PAQR5: variants seen among roughly 807,000 people sequenced by gnomAD.
PAQR5 encodes the protein membrane progestin receptor gamma.
A neutral mutation model predicts 34.5 loss-of-function variants in PAQR5; 20 were observed. That is an observed-to-expected ratio of 0.58 (90% CI 0.41 to 0.84). The LOEUF (loss-of-function observed/expected upper bound fraction) is 0.84. Ranked by LOEUF, PAQR5 falls within the 40% of genes least tolerant of loss-of-function variation. The probability of loss-of-function intolerance (pLI) is 0.00; values close to 1 mark genes in which losing one functional copy is unlikely to be tolerated. For missense variants in PAQR5, 378 were observed against 412.7 expected (o/e 0.92, Z 0.73); for synonymous variants, 131 against 155.6 (o/e 0.84, Z 1.18).
At chr15:69,336,141 T>C (rs573447344) in intron 1 of PAQR5, among the ~76,000 whole-genome samples, 11 of 152,338 alleles carry the variant, frequency 7.2e-5, no homozygotes, top group Admixed American at 6.5e-4. Context: ...GCTTTCTTTT[T>C]TAAAAAAATT....
intron 2 of PAQR5, among the ~76,000 whole-genome samples, chr15:69,359,000 C>T (rs937073637): frequency 3.3e-5 from 5 of 152,220 alleles, no homozygotes; most frequent in African/African-American, 9.6e-5. Flanking sequence ...TTATAAACAA[C>T]AGAAATTTAT....
At chr15:69,382,078 G>A (rs561012189) in intron 4 of PAQR5, among the ~76,000 whole-genome samples, 11 of 152,314 alleles carry the variant, frequency 7.2e-5, no homozygotes, top group Middle Eastern at 3.4e-3. Context: ...TAGCTATTCC[G>A]AAAAGTGATT....
chr15:69,334,011 CT>C (rs2054451724), intron 1 of PAQR5, among the ~76,000 whole-genome samples: 1 of 152,068 alleles, frequency 6.6e-6, no homozygotes, highest in East Asian at 1.9e-4. Flanking sequence ...CTTTAGTAGT[CT>C]TTTGGAAATA....
At chr15:69,341,508 C>A (rs918370121) in intron 2 of PAQR5, among the ~76,000 whole-genome samples, 1 of 151,956 alleles carries the variant, frequency 6.6e-6, no homozygotes, top group Non-Finnish European at 1.5e-5. Flanking sequence ...AGGCATGAAC[C>A]ATCACATTGG....
intron 6 of PAQR5, chr15:69,391,586 AT>A: frequency 2.2e-6 from 1 of 451,526 alleles, no homozygotes; most frequent in Non-Finnish European, 4.4e-6. Flanking sequence ...TGGACTGGCC[AT>A]GGTCCAGGAA....
intron 1 of PAQR5, among the ~76,000 whole-genome samples, chr15:69,324,141 A>AAAAG (rs1239556991): frequency 6.9e-6 from 1 of 144,860 alleles, no homozygotes; most frequent in Non-Finnish European, 1.5e-5. Context: ...AAAAAAAAAA[A>AAAAG]AAAGAAAAAA....
At position 69,300,965 on chromosome 15, in the gene PAQR5, T is replaced by TTCTTTCTTTCTTTCTTTCTTTCTC. The variant is rs2140502667; in HGVS notation, c.-277+1932_-277+1933insCTCTTTCTTTCTTTCTTTCTTTCT. On this transcript the variant is annotated intron_variant, in intron 1 of 8. Transcript: ENST00000395407. ...TTTCTTTCCTTCTTTCTTTCTTTCT[T>TTCTTTCTTTCTTTCTTTCTTTCTC]TCTTTCTTTCTTTCTTTCTTTCTTT... Among the ~76,000 whole-genome samples, 13 of 65,206 alleles carry TTCTTTCTTTCTTTCTTTCTTTCTC rather than the reference T, an allele frequency of 2.0e-4. 2 individuals carry two copies. Among genetic ancestry groups the TTCTTTCTTTCTTTCTTTCTTTCTC allele is most frequent in the Admixed American group, 6.7e-4 (3 of 4,504 alleles). The allele number at this position is 65,206 out of a possible 152,430, so 42.8% of individuals were successfully genotyped here.
intron 1 of PAQR5, among the ~76,000 whole-genome samples, chr15:69,332,976 T>C (rs374752879): frequency 1.1e-4 from 16 of 152,190 alleles, no homozygotes; most frequent in African/African-American, 3.6e-4. Flanking sequence ...AGGATATTTT[T>C]TAAAGAGCGC....
intron 3 of PAQR5, among the ~76,000 whole-genome samples, chr15:69,362,810 A>G (rs1187280697): frequency 1.3e-5 from 2 of 152,146 alleles, no homozygotes; most frequent in African/African-American, 2.4e-5. Context: ...GGCCCTGTCC[A>G]TAGACTCGAA....
chr15:69,325,270 G>T lies in PAQR5; in HGVS notation c.-276-12071G>T, dbSNP rs554602635. 3.0e-4 allele frequency among the ~76,000 whole-genome samples: 46 copies of T among 152,174 alleles called. No individual in the cohort carries two copies. The South Asian group carries it at 4.6e-3, about 15-fold the overall frequency. ...TGCCCTCCTCTGTGTTCCCCTAGAG[G>T]CATAACCACTATTTTTTAAGCACTG... On this transcript the variant is annotated intron_variant, in intron 1 of 8. Transcript: ENST00000395407.
chr15:69,352,408 A>G (rs531899314), intron 2 of PAQR5, among the ~76,000 whole-genome samples: 2 of 152,364 alleles, frequency 1.3e-5, no homozygotes, highest in African/African-American at 2.4e-5. Flanking sequence ...GAAGTGGTTT[A>G]TACGTGATCA....
rs1436266448 is a variant in PAQR5, at chr15:69,319,229, T to TCTCCCA, written c.-276-18108_-276-18103dup. Among the ~76,000 whole-genome samples, 19 of 147,130 alleles carry TCTCCCA rather than the reference T, an allele frequency of 1.3e-4. 2 individuals are homozygous for TCTCCCA. The South Asian group carries it at 2.6e-3, about 20-fold the overall frequency. On this transcript the variant is annotated intron_variant, in intron 1 of 8. Coordinates refer to ENST00000395407, the MANE Select transcript of PAQR5 (RefSeq NM_017705.4). ...TATATATATGAATGTGGTCTCTCCC[T>TCTCCCA]CTCCCACTCTCTCAAAATATCCTGT...
At chr15:69,328,253 G>C (rs1436640886) in intron 1 of PAQR5, among the ~76,000 whole-genome samples, 1 of 152,228 alleles carries the variant, frequency 6.6e-6, no homozygotes, top group African/African-American at 2.4e-5. Flanking sequence ...ATGCAAAGAA[G>C]CTTATGTACA....
chr15:69,402,288 C>T (rs1446284411), intron 8 of PAQR5, among the ~76,000 whole-genome samples: 1 of 151,908 alleles, frequency 6.6e-6, no homozygotes, highest in African/African-American at 2.4e-5. Flanking sequence ...TTCTTGTATA[C>T]GTGCATGTCT....
intron 1 of PAQR5, among the ~76,000 whole-genome samples, chr15:69,300,638 TTTC>T (rs1566985383): frequency 2.7e-4 from 10 of 37,636 alleles, no homozygotes; most frequent in Non-Finnish European, 4.8e-4. Context: ...TCTTTCTTTC[TTTC>T]TTTCTTTCTT....
At chr15:69,388,503 C>A (rs922958282) in intron 5 of PAQR5, among the ~76,000 whole-genome samples, 1 of 152,224 alleles carries the variant, frequency 6.6e-6, no homozygotes, top group African/African-American at 2.4e-5. Context: ...GTCAGAAGCT[C>A]CCTGGCTCTT....
intron 1 of PAQR5, among the ~76,000 whole-genome samples, chr15:69,331,785 T>C (rs895820989): frequency 2.0e-5 from 3 of 152,220 alleles, no homozygotes; most frequent in Non-Finnish European, 4.4e-5. Flanking sequence ...ATGAGGTGAC[T>C]AATGTCTGTT....
At chr15:69,305,192 A>G (rs1189285360) in intron 1 of PAQR5, among the ~76,000 whole-genome samples, 1 of 152,100 alleles carries the variant, frequency 6.6e-6, no homozygotes, top group Non-Finnish European at 1.5e-5. Flanking sequence ...CAGACACTGC[A>G]CCATCACATC....
At chr15:69,372,481 TG>T (rs2055590843) in intron 3 of PAQR5, among the ~76,000 whole-genome samples, 1 of 152,300 alleles carries the variant, frequency 6.6e-6, no homozygotes, top group African/African-American at 2.4e-5. Flanking sequence ...AGATAGAGGT[TG>T]CAGTGAGCCA....
Sources: allele counts gnomAD v4.1 joint callset (sites outside exome capture counted in the v4.1 genomes callset), GRCh38; gene constraint gnomAD v4.1.1; transcripts MANE v1.5; gene names NCBI Gene and HGNC (gene_info 2026-07-23, HGNC 2026-07-21).